MMP26: variants seen among roughly 807,000 people sequenced by gnomAD.
MMP26 encodes matrix metalloproteinase-26.
A neutral mutation model predicts 31.0 loss-of-function variants in MMP26; 33 were observed. The ratio of observed to expected loss-of-function variants is 1.06; its 90% CI spans 0.81 to 1.42. The LOEUF is 1.42. MMP26 is among the 40% of genes most tolerant of loss of function. MMP26 has a pLI of 0.00. For synonymous variants in MMP26, 122 were observed against 114.9 expected (o/e 1.06, Z -0.40); for missense variants, 347 against 316.1 (o/e 1.10, Z -0.74).
At chr11:4,715,015 A>G (rs578086572) in intron 1 of MMP26, among the ~76,000 whole-genome samples, 34 of 152,206 alleles carry the variant, frequency 2.2e-4, no homozygotes, top group African/African-American at 7.0e-4. Context: ...GAAGCCACAT[A>G]TATAATTTTA....
At chr11:4,803,517 G>T (rs1476291212) in intron 2 of MMP26, 1 of 1,613,966 alleles carries the variant, frequency 6.2e-7, no homozygotes, top group Non-Finnish European at 8.5e-7. Flanking sequence ...GGTTGAGCAT[G>T]GGAGGTATCA....
At chr11:4,722,727 A>T (rs971009534) in intron 1 of MMP26, 41 of 847,244 alleles carry the variant, frequency 4.8e-5, no homozygotes, top group African/African-American at 4.6e-4. Flanking sequence ...AGGGGCTGCC[A>T]CAGCTGTTCA....
At chr11:4,938,670 A>G (rs1035919458) in intron 2 of MMP26, among the ~76,000 whole-genome samples, 3 of 152,116 alleles carry the variant, frequency 2.0e-5, no homozygotes, top group Non-Finnish European at 4.4e-5. Context: ...TTTTATAAAA[A>G]CTTCTTGAGC....
intron 2 of MMP26, among the ~76,000 whole-genome samples, chr11:4,929,264 C>T (rs1054089130): frequency 1.9e-4 from 29 of 151,836 alleles, no homozygotes; most frequent in African/African-American, 2.9e-4. Flanking sequence ...TGTTTGAGAA[C>T]GTTATTTTAT....
intron 2 of MMP26, among the ~76,000 whole-genome samples, chr11:4,906,892 C>G (rs1033684725): frequency 1.3e-5 from 2 of 151,868 alleles, no homozygotes; most frequent in African/African-American, 4.8e-5. Context: ...GAGTTCAAGA[C>G]CAGCCTGGCC....
At chr11:4,740,092 G>A (rs11033642) in intron 1 of MMP26, among the ~76,000 whole-genome samples, 26,404 of 151,906 alleles carry the variant, frequency 0.17, 2,769 homozygotes, top group African/African-American at 0.3. Flanking sequence ...CATATTTGAC[G>A]GAAGAGTATA....
At chr11:4,842,918 A>G (rs761255838) in intron 2 of MMP26, among the ~76,000 whole-genome samples, 4 of 152,336 alleles carry the variant, frequency 2.6e-5, no homozygotes, top group East Asian at 1.9e-4. Flanking sequence ...CCCATTTTTA[A>G]TGGAAAAAAT....
At chr11:4,945,850 T>C in intron 2 of MMP26, 1 of 377,212 alleles carries the variant, frequency 2.7e-6, no homozygotes, top group Non-Finnish European at 4.9e-6. Context: ...ATGTAGATAA[T>C]GAGAAATCCA....
At chr11:4,989,475 G>A (rs1199526027) in intron 3 of MMP26, among the ~76,000 whole-genome samples, 173 bp from the exon 4 acceptor site, 34 of 152,190 alleles carry the variant, frequency 2.2e-4, no homozygotes, top group Non-Finnish European at 5.0e-4. Flanking sequence ...TCATTTCACT[G>A]TGGCATAAAG....
Position 4,880,060 on chromosome 11 carries a change from T to C in MMP26, c.-144-108008T>C, listed in dbSNP as rs114209022. ...CCAGCCCTTGATGGATGGGATTTGC[T>C]TGGGCCTGGGAGCAGGGTTTGGGGG... is the stretch of plus-strand genomic sequence containing the variant. On this transcript the variant is annotated intron_variant, in intron 2 of 7. Coordinates refer to ENST00000380390, the MANE Select transcript of MMP26 (RefSeq NM_021801.5). 4.4e-3 allele frequency among the ~76,000 whole-genome samples: 668 copies of C among 152,212 alleles called. 9 individuals are homozygous for C. Among genetic ancestry groups the C allele is most frequent in the African/African-American group, 0.014 (602 of 41,562 alleles).
chr11:4,877,753 C>T (rs1850403592), intron 2 of MMP26: 1 of 151,994 alleles, frequency 6.6e-6, no homozygotes, highest in South Asian at 2.1e-4. Context: ...CTAGTAGCTG[C>T]CGTATCAAAT....
At chr11:4,988,039 T>C (rs1003586995) in intron 2 of MMP26, 29 bp from the exon 3 acceptor site, 3 of 659,088 alleles carry the variant, frequency 4.6e-6, no homozygotes, top group African/African-American at 3.6e-5. Context: ...TTTGTCACCC[T>C]TGCATGCTGG....
intron 2 of MMP26, among the ~76,000 whole-genome samples, chr11:4,818,482 GTCTTTGA>G (rs1564787549): frequency 6.8e-6 from 1 of 148,026 alleles, no homozygotes; most frequent in African/African-American, 2.6e-5. Flanking sequence ...TTTCTTGACT[GTCTTTGA>G]AAAAAAGATT....
intron 2 of MMP26, among the ~76,000 whole-genome samples, chr11:4,853,462 C>T (rs1205663361): frequency 6.6e-6 from 1 of 150,748 alleles, no homozygotes; most frequent in Admixed American, 6.6e-5. Flanking sequence ...AATTGAAAAC[C>T]CTTAGCAAGC....
chr11:4,882,150 T>C, intron 2 of MMP26: 1 of 1,613,976 alleles, frequency 6.2e-7, no homozygotes, highest in Non-Finnish European at 8.5e-7. Flanking sequence ...CCCACTGTGC[T>C]TGGTGTTCTC....
At position 4,740,218 on chromosome 11, in the gene MMP26, G is replaced by A. The variant is rs146422404; in HGVS notation, c.-216-27052G>A. Among the ~76,000 whole-genome samples, 1,080 of 152,102 alleles carry A rather than the reference G, an allele frequency of 7.1e-3. 15 individuals carry two copies. The highest frequency in any genetic ancestry group is 0.025 in the African/African-American group (1,049 of 41,480). ...ATAATTTTAGAAGAACATTTTAACA[G>A]TTATACATATTAGAAGAATAAAGTT... On this transcript the variant is annotated intron_variant, in intron 1 of 7. Transcript: ENST00000380390.
At chr11:4,783,076 G>A (rs1356460318) in intron 2 of MMP26, among the ~76,000 whole-genome samples, 1 of 152,204 alleles carries the variant, frequency 6.6e-6, no homozygotes, top group Non-Finnish European at 1.5e-5. Context: ...CCCTACTGGG[G>A]CACCACCTAG....
At chr11:4,933,333 G>A (rs569832281) in intron 2 of MMP26, among the ~76,000 whole-genome samples, 19 of 152,068 alleles carry the variant, frequency 1.2e-4, no homozygotes, top group South Asian at 4.1e-4. Context: ...GTAAAAAGGC[G>A]GACAATCACT....
intron 1 of MMP26, among the ~76,000 whole-genome samples, chr11:4,760,660 G>A (rs1443725584): frequency 6.6e-6 from 1 of 152,154 alleles, no homozygotes; most frequent in Non-Finnish European, 1.5e-5. Context: ...ACTTATTGAA[G>A]TTTTCCATTG....
Sources: gnomAD v4.1 joint callset for allele counts (sites outside exome capture counted in the v4.1 genomes callset) on GRCh38, gnomAD v4.1.1 for gene constraint, MANE v1.5 for transcripts, NCBI Gene and HGNC (gene_info 2026-07-23, HGNC 2026-07-21) for gene names.